Variants in OCA2 observed in about 807,000 individuals in gnomAD.
OCA2 encodes OCA2 melanosomal transmembrane protein, also known as P protein.
A neutral mutation model predicts 100.2 loss-of-function variants in OCA2; 77 were observed. The observed-to-expected ratio is 0.77, with a 90% CI of 0.64 to 0.93. The LOEUF is 0.93. OCA2 is among the 40% of genes least tolerant of loss of function. The probability of loss-of-function intolerance (pLI) is 0.00; values close to 1 mark genes in which losing one functional copy is unlikely to be tolerated. For missense variants in OCA2, 1,062 were observed against 1,089.1 expected (o/e 0.98, Z 0.35); for synonymous variants, 432 against 439.2 (o/e 0.98, Z 0.21).
At chr15:27,729,267 A>G in the OCA2 span, among the ~76,000 whole-genome samples, 5 of 144,992 alleles carry the variant, frequency 3.4e-5, no homozygotes, top group Admixed American at 6.9e-5. Context: ...CTGTTTCCTC[A>G]TGGGCAATGT....
chr15:27,893,685 T>C (rs771594518), intron 19 of OCA2, among the ~76,000 whole-genome samples: 1 of 152,134 alleles, frequency 6.6e-6, no homozygotes, highest in African/African-American at 2.4e-5. Flanking sequence ...TCGGACTTAC[T>C]AGGGTGGGGA....
At chr15:28,032,207 A>T in intron 2 of OCA2, 44 bp from the exon 3 acceptor site, 4 of 1,339,298 alleles carry the variant, frequency 3.0e-6, no homozygotes, top group Non-Finnish European at 4.3e-6. Flanking sequence ...ACACAGAAAT[A>T]ATGTATGTGT....
intron 2 of OCA2, among the ~76,000 whole-genome samples, chr15:28,071,277 A>G (rs1237242824): frequency 6.6e-6 from 1 of 152,234 alleles, no homozygotes; most frequent in Non-Finnish European, 1.5e-5. Context: ...GGTGACGCAA[A>G]TAAATAGAAA....
intron 23 of OCA2, among the ~76,000 whole-genome samples, chr15:27,775,449 T>C (rs1159318455): frequency 6.6e-6 from 1 of 152,176 alleles, no homozygotes; most frequent in Non-Finnish European, 1.5e-5. Context: ...TTCTCTCCAG[T>C]GTTTTCTCCT....
At chr15:28,039,109 A>G (rs986967351) in intron 2 of OCA2, among the ~76,000 whole-genome samples, 5 of 152,238 alleles carry the variant, frequency 3.3e-5, no homozygotes, top group African/African-American at 9.6e-5. Context: ...CCAAGAAGTT[A>G]TAACAACTAC....
chr15:27,966,896 G>A (rs2040588243), intron 14 of OCA2, 74 bp from the exon 15 acceptor site: 26 of 1,504,162 alleles, frequency 1.7e-5, no homozygotes, highest in Non-Finnish European at 2.1e-5. Flanking sequence ...AGCACTTTCC[G>A]AGGTGGGTGG....
chr15:28,000,197 C>G (rs2041884425), intron 9 of OCA2, among the ~76,000 whole-genome samples: 2 of 152,134 alleles, frequency 1.3e-5, no homozygotes. Context: ...CGTGACACTT[C>G]CTGATATCAA....
intron 19 of OCA2, among the ~76,000 whole-genome samples, chr15:27,920,197 T>A (rs564143831): frequency 1.3e-5 from 2 of 152,258 alleles, no homozygotes; most frequent in South Asian, 4.2e-4. Context: ...TTCAACTGTA[T>A]GCTGTCTACA....
chr15:27,776,990 G>T (rs982823864), intron 23 of OCA2, among the ~76,000 whole-genome samples: 4 of 141,564 alleles, frequency 2.8e-5, no homozygotes, highest in African/African-American at 1.0e-4. Context: ...GGGGTGGGGG[G>T]AGTGTTGGAG....
chr15:27,719,928 C>G, the OCA2 span, among the ~76,000 whole-genome samples: 1 of 152,146 alleles, frequency 6.6e-6, no homozygotes. Flanking sequence ...TAATGCCCCA[C>G]CTTCATGGCC....
At chr15:28,051,583 C>G (rs1480789065) in intron 2 of OCA2, among the ~76,000 whole-genome samples, 2 of 145,882 alleles carry the variant, frequency 1.4e-5, no homozygotes, top group Non-Finnish European at 3.0e-5. Context: ...TGAGCCACTG[C>G]GCCTGGCCTT....
intron 18 of OCA2, among the ~76,000 whole-genome samples, chr15:27,932,234 T>G (rs987014029): frequency 7.2e-5 from 11 of 152,232 alleles, no homozygotes; most frequent in African/African-American, 2.2e-4. Context: ...CTATTGTGAA[T>G]GTCTGTTCTA....
chr15:27,869,756 G>A (rs1027816653), intron 21 of OCA2, among the ~76,000 whole-genome samples: 29 of 152,156 alleles, frequency 1.9e-4, no homozygotes, highest in African/African-American at 6.5e-4. Flanking sequence ...GGGACAGCGC[G>A]GAGTCTCCTG....
intron 2 of OCA2, among the ~76,000 whole-genome samples, chr15:28,064,201 T>G (rs1006044752): frequency 2.0e-5 from 3 of 152,304 alleles, no homozygotes; most frequent in African/African-American, 7.2e-5. Context: ...ACAAGTCACT[T>G]CTCTCTCAGT....
At position 28,081,284 on chromosome 15, in the gene OCA2, G is replaced by A. The variant is rs371982491; in HGVS notation, c.227+364C>T. ...CTTTTATGTAAATTCTGACTTTTCT[G>A]ACATGAAAAACAATACTCAGTTAAT... On this transcript the variant is annotated intron_variant, in intron 2 of 23. Transcript: ENST00000354638. Among the ~76,000 whole-genome samples the A allele has an allele frequency of 4.1e-4, 62 of 152,112 alleles. No individual in the cohort carries two copies. In the East Asian group the frequency reaches 7.5e-3, roughly 18 times the overall value.
At chr15:28,087,197 C>G (rs2141944652) in intron 1 of OCA2, among the ~76,000 whole-genome samples, 1 of 152,118 alleles carries the variant, frequency 6.6e-6, no homozygotes, top group Non-Finnish European at 1.5e-5. Flanking sequence ...ATTAAAATGT[C>G]CCTACAGGGA....
intron 19 of OCA2, among the ~76,000 whole-genome samples, chr15:27,920,585 G>A (rs919509880): frequency 5.3e-5 from 8 of 152,122 alleles, no homozygotes; most frequent in Non-Finnish European, 1.2e-4. Flanking sequence ...GAGCCTGGAT[G>A]CTGAAGTTAG....
Position 28,002,955 on chromosome 15 carries a change from T to C in OCA2, c.1044+11821A>G, listed in dbSNP as rs1410062681. The stretch of plus-strand genomic sequence containing the variant: ...GCCTGGCTTATGTTATGCAGAACAA[T>C]AGATCCCAGAGCTCGAAGGCACCAC... On this transcript the variant is annotated intron_variant, in intron 9 of 23. Transcript: ENST00000354638. Among the ~76,000 whole-genome samples the C allele has an allele frequency of 2.0e-5, 3 of 152,346 alleles. No homozygotes were observed. In the East Asian group the frequency reaches 5.8e-4, roughly 29 times the overall value.
In OCA2 at chr15:28,081,796, CGCTGG is replaced by C. The variant is rs747408689; in HGVS notation, c.74_78del (p.Pro25ArgfsTer4). On this transcript the variant is annotated frameshift_variant, in exon 2 of 24. Transcript: ENST00000354638. LOFTEE classifies it high-confidence loss of function. ...TTGCCGGCCACAAGTTCAGCGAGTC[CGCTGG>C]GCACGGACGTCTGCAGGAGCTCCAC... The C allele has an allele frequency of 1.3e-5, 21 of 1,612,666 alleles. No individual in the cohort carries two copies. The African/African-American group carries it at 2.8e-4, about 22-fold the overall frequency.
Sources: allele counts gnomAD v4.1 joint callset (sites outside exome capture counted in the v4.1 genomes callset), GRCh38; gene constraint gnomAD v4.1.1; transcripts MANE v1.5; gene names NCBI Gene and HGNC (gene_info 2026-07-23, HGNC 2026-07-21).